CPVL: variants seen among roughly 807,000 people sequenced by gnomAD.
The protein encoded by CPVL is probable serine carboxypeptidase CPVL.
In CPVL, 51 loss-of-function variants were observed where a neutral mutation model predicts 63.7. The observed-to-expected ratio is 0.80, with a 90% CI of 0.64 to 1.01. CPVL has a LOEUF of 1.01. CPVL is among the 50% of genes least tolerant of loss of function. The pLI is 0.00. For synonymous variants in CPVL, 195 were observed against 206.0 expected (o/e 0.95, Z 0.46); for missense variants, 530 against 573.1 (o/e 0.92, Z 0.77).
rs373497925 is a variant in CPVL, at chr7:29,092,733, C to T, written c.463-31G>A. 11 of 1,439,844 alleles carry T rather than the reference C, an allele frequency of 7.6e-6. No individual in the cohort carries two copies. In the African/African-American group the frequency reaches 1.5e-4, roughly 20 times the overall value. The allele number at this position is 1,439,844 out of a possible 1,614,324, so 89.2% of individuals were successfully genotyped here. ...GGAGAAATAAACACGCAGGTATAAACACAGAGAAACACATGCCTTAGGGAC... is the reference window on the plus strand; with the variant it reads ...GGAGAAATAAACACGCAGGTATAAATACAGAGAAACACATGCCTTAGGGAC... On this transcript the variant is annotated intron_variant, in intron 5 of 12. Coordinates refer to ENST00000265394, the MANE Select transcript of CPVL (RefSeq NM_031311.5).
intron 1 of CPVL, chr7:29,195,008 G>A: frequency 6.3e-7 from 1 of 1,581,996 alleles, no homozygotes; most frequent in Non-Finnish European, 8.6e-7. Context: ...TCAGCCCGTC[G>A]GGCGCTGCTG....
At chr7:29,194,253 G>GCCCCGCGCCCGGCCCCGGCCTC (rs1468020702) in intron 1 of CPVL, 1 of 143,184 alleles carries the variant, frequency 7.0e-6, no homozygotes, top group Non-Finnish European at 1.5e-5. Context: ...AGCCGCGCTC[G>GCCCCGCGCCCGGCCCCGGCCTC]CCCCGCGCCC....
chr7:29,141,715 G>A (rs1053829145), intron 1 of CPVL, among the ~76,000 whole-genome samples: 1 of 152,094 alleles, frequency 6.6e-6, no homozygotes, highest in African/African-American at 2.4e-5. Flanking sequence ...AGGAGATGGA[G>A]ACCATCCTGG....
chr7:29,069,113 T>C (rs936618873), intron 9 of CPVL, among the ~76,000 whole-genome samples: 5 of 152,048 alleles, frequency 3.3e-5, no homozygotes, highest in African/African-American at 9.7e-5. Context: ...AAAGTCAACC[T>C]TGAAGAATAA....
chr7:29,052,440 CAA>C (rs57693166), intron 11 of CPVL, among the ~76,000 whole-genome samples: 92,787 of 118,200 alleles, frequency 0.79, 34,976 homozygotes, highest in African/African-American at 0.86. Flanking sequence ...GATTCAGTTC[CAA>C]AAAAAAAAAA....
intron 5 of CPVL, among the ~76,000 whole-genome samples, chr7:29,155,281 A>G (rs1174740981): frequency 2.0e-5 from 3 of 152,228 alleles, no homozygotes; most frequent in Non-Finnish European, 4.4e-5. Flanking sequence ...ACATTTTAAC[A>G]ACATAAGTTA....
At chr7:29,119,485 CAAAAAAAAAAAAAA>C (rs372819031) in intron 2 of CPVL, among the ~76,000 whole-genome samples, 28,813 of 104,112 alleles carry the variant, frequency 0.28, 3,022 homozygotes, top group African/African-American at 0.33. Context: ...GATTCTGTCT[CAAAAAAAAAAAAAA>C]AAAAAAAAAA....
intron 12 of CPVL, chr7:29,012,968 G>C (rs1460480397): frequency 6.6e-6 from 1 of 152,222 alleles, no homozygotes; most frequent in African/African-American, 2.4e-5. Flanking sequence ...GGGCAAAGGA[G>C]GAGATTAAAA....
At chr7:29,093,531 G>A (rs887028775) in intron 5 of CPVL, among the ~76,000 whole-genome samples, 2 of 151,968 alleles carry the variant, frequency 1.3e-5, no homozygotes, top group Non-Finnish European at 2.9e-5. Flanking sequence ...ATCTTCAGTA[G>A]GTAAGGAGTT....
At chr7:29,162,198 A>G (rs1179714000) in intron 5 of CPVL, among the ~76,000 whole-genome samples, 1 of 152,254 alleles carries the variant, frequency 6.6e-6, no homozygotes, top group African/African-American at 2.4e-5. Context: ...AAAATCTTAT[A>G]TTCACACAAA....
intron 1 of CPVL, among the ~76,000 whole-genome samples, chr7:29,187,855 T>C (rs1442850325): frequency 6.6e-6 from 1 of 152,228 alleles, no homozygotes; most frequent in East Asian, 1.9e-4. Context: ...AATAACATTA[T>C]TGTTGGGCAT....
intron 6 of CPVL, among the ~76,000 whole-genome samples, chr7:29,090,114 C>T (rs993463532): frequency 6.6e-6 from 1 of 152,150 alleles, no homozygotes; most frequent in African/African-American, 2.4e-5. Context: ...CTGCCTGCCT[C>T]GGCCTCCCAA....
intron 12 of CPVL, among the ~76,000 whole-genome samples, chr7:29,018,808 G>T (rs1786673896): frequency 6.6e-6 from 1 of 152,154 alleles, no homozygotes; most frequent in Non-Finnish European, 1.5e-5. Context: ...GATATTTGGA[G>T]AAAGGCACAG....
At chr7:29,156,669 T>A (rs1326999419) in intron 5 of CPVL, among the ~76,000 whole-genome samples, 1 of 152,178 alleles carries the variant, frequency 6.6e-6, no homozygotes, top group Non-Finnish European at 1.5e-5. Flanking sequence ...GCATTATTGG[T>A]GTAATTTTGA....
intron 11 of CPVL, among the ~76,000 whole-genome samples, chr7:29,052,205 G>T (rs773289921): frequency 6.6e-6 from 1 of 151,528 alleles, no homozygotes; most frequent in Non-Finnish European, 1.5e-5. Flanking sequence ...CTGCTTGGGT[G>T]ATGGGTGCAC....
chr7:29,082,498 T>A (rs1012226316), intron 7 of CPVL: 1 of 152,212 alleles, frequency 6.6e-6, no homozygotes, highest in Non-Finnish European at 1.5e-5. Flanking sequence ...CTAGACTGAA[T>A]AAATATTCAT....
intron 5 of CPVL, among the ~76,000 whole-genome samples, chr7:29,178,797 A>G (rs558648408): frequency 1.1e-3 from 174 of 152,350 alleles, no homozygotes; most frequent in Non-Finnish European, 1.9e-3. Context: ...ATGAAAAATG[A>G]CTTAAATCCC....
At chr7:29,191,086 C>T (rs951406007) in intron 1 of CPVL, among the ~76,000 whole-genome samples, 1 of 152,086 alleles carries the variant, frequency 6.6e-6, no homozygotes, top group Admixed American at 6.5e-5. Flanking sequence ...AGGTTAACTA[C>T]AACGCCTGGC....
At chr7:29,194,692 C>G (rs529507366) in intron 1 of CPVL, 155 of 393,934 alleles carry the variant, frequency 3.9e-4, no homozygotes, top group Non-Finnish European at 5.9e-4. Flanking sequence ...CCACCTACCC[C>G]CTGACACCCA....
Sources: allele counts gnomAD v4.1 joint callset (sites outside exome capture counted in the v4.1 genomes callset), GRCh38; gene constraint gnomAD v4.1.1; transcripts MANE v1.5; gene names NCBI Gene and HGNC (gene_info 2026-07-23, HGNC 2026-07-21).